The following NCAM2 variants were observed in gnomAD, a reference collection of about 807,000 sequenced individuals.
The protein encoded by NCAM2 is neural cell adhesion molecule 2.
NCAM2 carries 30 observed loss-of-function variants against 98.1 expected under a neutral mutation model. That is an observed-to-expected ratio of 0.31 (90% CI 0.23 to 0.41). The LOEUF (loss-of-function observed/expected upper bound fraction) is 0.41. Ranked by LOEUF, NCAM2 falls within the 10% of genes least tolerant of loss-of-function variation. The pLI is 1.00. For missense variants in NCAM2, 867 were observed against 1,005.8 expected, an observed-to-expected ratio of 0.86 and a Z score of 1.87; for synonymous variants, 368 against 342.4, an observed-to-expected ratio of 1.07 and a Z score of -0.83.
intron 1 of NCAM2, among the ~76,000 whole-genome samples, chr21:21,212,079 G>C (rs552169842): frequency 1.1e-4 from 17 of 152,302 alleles, no homozygotes; most frequent in Admixed American, 7.2e-4. Context: ...AGAAATGATA[G>C]CATGCATTCA....
chr21:21,187,877 T>G (rs2068693254), intron 1 of NCAM2, among the ~76,000 whole-genome samples: 1 of 152,194 alleles, frequency 6.6e-6, no homozygotes, highest in Non-Finnish European at 1.5e-5. Flanking sequence ...AAATAGTGTG[T>G]CTGAACTTCT....
intron 9 of NCAM2, among the ~76,000 whole-genome samples, chr21:21,401,491 A>G (rs2145873992): frequency 6.6e-6 from 1 of 152,266 alleles, no homozygotes; most frequent in East Asian, 1.9e-4. Flanking sequence ...TCTGGTAACC[A>G]CCAACCTACT....
chr21:21,500,816 A>G (rs1200634339), intron 15 of NCAM2, among the ~76,000 whole-genome samples: 1 of 152,012 alleles, frequency 6.6e-6, no homozygotes, highest in African/African-American at 2.4e-5. Context: ...AAGTTTTGTT[A>G]ATATAAGACA....
At chr21:21,297,056 A>T (rs1318868815) in intron 5 of NCAM2, among the ~76,000 whole-genome samples, 4 of 151,780 alleles carry the variant, frequency 2.6e-5, no homozygotes, top group Non-Finnish European at 5.9e-5. Flanking sequence ...CTGCTACCTA[A>T]GGTTTTTGGA....
chr21:21,507,543 C>T (rs1602522281), intron 15 of NCAM2, among the ~76,000 whole-genome samples: 1 of 152,004 alleles, frequency 6.6e-6, no homozygotes, highest in Admixed American at 6.6e-5. Context: ...CCTGTAATCC[C>T]AGCACTTTGG....
At chr21:21,041,053 A>G (rs1309552458) in intron 1 of NCAM2, among the ~76,000 whole-genome samples, 1 of 152,196 alleles carries the variant, frequency 6.6e-6, no homozygotes, top group Non-Finnish European at 1.5e-5. Flanking sequence ...ATGGACAATT[A>G]TTATGTGCCA....
chr21:21,196,622 G>A (rs2069014662), intron 1 of NCAM2, among the ~76,000 whole-genome samples: 1 of 152,186 alleles, frequency 6.6e-6, no homozygotes, highest in South Asian at 2.1e-4. Context: ...AGTAATTTGT[G>A]GAGTGAGTGA....
Position 21,237,877 on chromosome 21 carries a change from TA to T in NCAM2, c.56-42691del, listed in dbSNP as rs201502106. ...TTGTAAAATGCTGAATTGCATATACTAAAAAAAAAATGATACTTCCTTTAAA... is the reference window on the plus strand; with the variant it reads ...TTGTAAAATGCTGAATTGCATATACTAAAAAAAAATGATACTTCCTTTAAA... On this transcript the variant is annotated intron_variant, in intron 1 of 17. Transcript: ENST00000400546. Among the ~76,000 whole-genome samples, 259 of 144,020 alleles carry T rather than the reference TA, an allele frequency of 1.8e-3. 3 individuals are homozygous for T. The East Asian group carries it at 0.036, about 20-fold the overall frequency. The allele number at this position is 144,020 out of a possible 152,430, so 94.5% of individuals were successfully genotyped here. A position where few individuals can be genotyped will look rare whatever the true frequency, so the allele number is the denominator to read the frequency against.
intron 1 of NCAM2, among the ~76,000 whole-genome samples, chr21:21,171,728 C>A (rs866749787): frequency 2.0e-5 from 3 of 152,246 alleles, no homozygotes; most frequent in African/African-American, 7.2e-5. Flanking sequence ...TTTTGAAAAT[C>A]TTTTCTGTAG....
At chr21:21,251,818 G>T (rs1369391674) in intron 1 of NCAM2, among the ~76,000 whole-genome samples, 2 of 150,660 alleles carry the variant, frequency 1.3e-5, no homozygotes, top group Non-Finnish European at 2.9e-5. Context: ...CAGATGAGTA[G>T]ATTGCAAAAA....
intron 1 of NCAM2, among the ~76,000 whole-genome samples, chr21:21,173,901 G>A (rs2146862418): frequency 6.6e-6 from 1 of 152,158 alleles, no homozygotes; most frequent in Non-Finnish European, 1.5e-5. Context: ...TTGGCATACA[G>A]GTGTGAAAAT....
At chr21:21,448,316 C>G (rs1354307777) in intron 12 of NCAM2, among the ~76,000 whole-genome samples, 1 of 152,052 alleles carries the variant, frequency 6.6e-6, no homozygotes, top group Non-Finnish European at 1.5e-5. Context: ...CACCTCATTT[C>G]TTACTCATAA....
chr21:21,272,487 T>C (rs117846798), intron 1 of NCAM2, among the ~76,000 whole-genome samples: 4,502 of 128,624 alleles, frequency 0.035, 89 homozygotes, highest in Middle Eastern at 0.049. Context: ...CACGCACACA[T>C]ACACACACAT....
intron 1 of NCAM2, among the ~76,000 whole-genome samples, chr21:21,093,244 T>G (rs1029256801): frequency 6.6e-6 from 1 of 152,048 alleles, no homozygotes; most frequent in Middle Eastern, 3.2e-3. Flanking sequence ...CTCTTCACCC[T>G]TTTCTGCCTC....
Position 20,998,515 on chromosome 21 carries a change from G to A in NCAM2, c.-49G>A. ...GGGCAGCGAAAGGTTCTCTCTCCAG[G>A]GCTGGACTTAATAACTTTGAAACTG... is the stretch of plus-strand genomic sequence containing the variant. On this transcript the variant is annotated 5_prime_UTR_variant, in exon 1 of 18. Coordinates refer to ENST00000400546, the MANE Select transcript of NCAM2 (RefSeq NM_004540.5). 1 of 1,593,752 alleles carries A rather than the reference G, an allele frequency of 6.3e-7. No homozygotes were observed. Among genetic ancestry groups the A allele is most frequent in the Non-Finnish European group, 8.6e-7 (1 of 1,162,412 alleles).
chr21:21,197,972 C>A lies in NCAM2; in HGVS notation c.56-82606C>A, dbSNP rs1001660546. Among the ~76,000 whole-genome samples, 48 of 152,254 alleles carry A rather than the reference C, an allele frequency of 3.2e-4. 1 individual carries two copies. Among genetic ancestry groups the A allele is most frequent in the African/African-American group, 1.1e-3 (46 of 41,560 alleles). On this transcript the variant is annotated intron_variant, in intron 1 of 17. Transcript: ENST00000400546. The stretch of plus-strand genomic sequence containing the variant: ...TATGACTGGAGATATAACCAGTGGT[C>A]TCCATGCCTGTCTCCTCCTCTGCCA...
At chr21:21,020,206 T>C (rs1363569980) in intron 1 of NCAM2, among the ~76,000 whole-genome samples, 1 of 151,982 alleles carries the variant, frequency 6.6e-6, no homozygotes, top group African/African-American at 2.4e-5. Context: ...TGGCTAATTT[T>C]TGTATTTTTA....
At chr21:21,313,708 A>G (rs2826784) in intron 5 of NCAM2, among the ~76,000 whole-genome samples, 48,093 of 151,860 alleles carry the variant, frequency 0.32, 8,359 homozygotes, top group African/African-American at 0.46. Flanking sequence ...TTTACACATC[A>G]TTCATTTAAA....
intron 1 of NCAM2, among the ~76,000 whole-genome samples, chr21:21,009,586 A>G (rs2064170148): frequency 1.3e-5 from 2 of 152,068 alleles, no homozygotes; most frequent in African/African-American, 4.8e-5. Flanking sequence ...TGAGGGGGAT[A>G]TAATATCTTG....
Sources: allele counts gnomAD v4.1 joint callset (sites outside exome capture counted in the v4.1 genomes callset), GRCh38; gene constraint gnomAD v4.1.1; transcripts MANE v1.5; gene names NCBI Gene and HGNC (gene_info 2026-07-23, HGNC 2026-07-21).